The following SFMBT2 variants were observed in gnomAD, a reference collection of about 807,000 sequenced individuals.
SFMBT2 encodes the protein scm-like with four MBT domains protein 2.
In SFMBT2, 38 loss-of-function variants were observed where a neutral mutation model predicts 110.1. The ratio of observed to expected loss-of-function variants is 0.35; its 90% CI spans 0.27 to 0.45. SFMBT2 has a LOEUF of 0.45. Ranked by LOEUF, SFMBT2 falls within the 20% of genes least tolerant of loss-of-function variation. The probability of loss-of-function intolerance (pLI) is 1.00; values close to 1 mark genes in which losing one functional copy is unlikely to be tolerated. For missense variants in SFMBT2, 1,011 were observed against 1,094.9 expected (o/e 0.92, Z 1.08); for synonymous variants, 425 against 425.4 (o/e 1.00, Z 0.01).
In SFMBT2 at chr10:7,220,366, ACT is replaced by A. The variant is rs761307534; in HGVS notation, c.1330+43_1330+44del. 9.5e-6 allele frequency: 15 copies of A among 1,585,952 alleles called. No homozygotes were observed. The African/African-American group carries it at 1.6e-4, about 17-fold the overall frequency. ...CCTCCACACGTTGCCATTTCGACAA[ACT>A]CTACATTCCCCCCAGCGACTGCTAC... On this transcript the variant is annotated intron_variant, in intron 11 of 20. Coordinates refer to ENST00000397167, the MANE Select transcript of SFMBT2 (RefSeq NM_001387889.1).
chr10:7,311,045 C>CAAAAAAAAAAAAAAAAAAAAA (rs201310544), intron 4 of SFMBT2, among the ~76,000 whole-genome samples: 4 of 96,936 alleles, frequency 4.1e-5, no homozygotes, highest in African/African-American at 7.9e-5. Flanking sequence ...AACTCCATCT[C>CAAAAAAAAAAAAAAAAAAAAA]AAAAAAAAAA....
chr10:7,349,631 G>A (rs943705769), intron 4 of SFMBT2, among the ~76,000 whole-genome samples: 3 of 151,236 alleles, frequency 2.0e-5, no homozygotes, highest in Non-Finnish European at 3.0e-5. Flanking sequence ...CTAATTTTTT[G>A]TATTTTTAAT....
At chr10:7,340,960 C>G (rs868087156) in intron 4 of SFMBT2, among the ~76,000 whole-genome samples, 2 of 152,146 alleles carry the variant, frequency 1.3e-5, no homozygotes, top group Admixed American at 6.5e-5. Context: ...AAACAAAGCC[C>G]ATGCAGATAA....
At chr10:7,206,952 G>A in intron 11 of SFMBT2, 5 of 985,320 alleles carry the variant, frequency 5.1e-6, no homozygotes, top group Non-Finnish European at 6.0e-6. Flanking sequence ...GTGGCCGGGT[G>A]TGGTGGCTCA....
At chr10:7,226,911 A>C (rs970055492) in intron 10 of SFMBT2, among the ~76,000 whole-genome samples, 2 of 152,174 alleles carry the variant, frequency 1.3e-5, no homozygotes, top group Non-Finnish European at 2.9e-5. Flanking sequence ...TGTAGGTACA[A>C]GGTACGCTCT....
chr10:7,385,498 C>T (rs1186947279), intron 1 of SFMBT2, among the ~76,000 whole-genome samples: 1 of 152,012 alleles, frequency 6.6e-6, no homozygotes, highest in African/African-American at 2.4e-5. Flanking sequence ...AAAGGTAAAC[C>T]AGGGAAGAAA....
At chr10:7,302,745 CA>C (rs1842587692) in intron 4 of SFMBT2, among the ~76,000 whole-genome samples, 1 of 152,170 alleles carries the variant, frequency 6.6e-6, no homozygotes. Flanking sequence ...TTTCCCTCCT[CA>C]GTTTAGGTGG....
intron 7 of SFMBT2, among the ~76,000 whole-genome samples, chr10:7,255,615 G>A (rs1182511901): frequency 6.6e-6 from 1 of 152,196 alleles, no homozygotes. Context: ...ACAGGCTACT[G>A]TGGCAATGTC....
At chr10:7,238,707 C>T (rs1840339034) in intron 9 of SFMBT2, among the ~76,000 whole-genome samples, 1 of 152,180 alleles carries the variant, frequency 6.6e-6, no homozygotes, top group African/African-American at 2.4e-5. Flanking sequence ...TTTGCTCACA[C>T]CTTTTACAGC....
intron 8 of SFMBT2, chr10:7,246,055 G>T: frequency 1.9e-6 from 1 of 515,936 alleles, no homozygotes; most frequent in Non-Finnish European, 2.5e-6. Context: ...GATGAGTCTT[G>T]AACCTGGAGA....
chr10:7,227,710 G>A (rs995523909), intron 10 of SFMBT2, 145 bp downstream of exon 10: 1 of 674,636 alleles, frequency 1.5e-6, no homozygotes, highest in Non-Finnish European at 2.5e-6. Context: ...TGAAAGCAGA[G>A]CTTTCCAAAA....
intron 4 of SFMBT2, chr10:7,348,461 T>C (rs1458881407): frequency 1.0e-5 from 7 of 685,552 alleles, no homozygotes; most frequent in African/African-American, 7.4e-5. Context: ...AAAATTGACA[T>C]TGTTTAATCA....
intron 4 of SFMBT2, among the ~76,000 whole-genome samples, chr10:7,362,115 G>A (rs1324925322): frequency 2.0e-5 from 3 of 152,128 alleles, no homozygotes; most frequent in Non-Finnish European, 4.4e-5. Context: ...CCACTAATAA[G>A]AGCCATAATC....
chr10:7,287,512 C>T (rs924225129), intron 4 of SFMBT2: 2 of 217,436 alleles, frequency 9.2e-6, no homozygotes, highest in Non-Finnish European at 1.6e-5. Context: ...CCCCACTGGG[C>T]TACACCTGCA....
chr10:7,403,183 CAA>C (rs1430598564), intron 1 of SFMBT2, among the ~76,000 whole-genome samples: 9 of 152,210 alleles, frequency 5.9e-5, no homozygotes, highest in Non-Finnish European at 1.2e-4. Context: ...GAACGAAAAA[CAA>C]AAAGAGAACA....
chr10:7,187,338 C>T (rs1838448480), intron 16 of SFMBT2, among the ~76,000 whole-genome samples: 1 of 152,106 alleles, frequency 6.6e-6, no homozygotes, highest in African/African-American at 2.4e-5. Flanking sequence ...AGAAAATGTG[C>T]CACTACTGCT....
chr10:7,282,271 G>A (rs558151026), intron 6 of SFMBT2, among the ~76,000 whole-genome samples: 6 of 152,316 alleles, frequency 3.9e-5, no homozygotes, highest in African/African-American at 1.4e-4. Flanking sequence ...CTTCCACGGA[G>A]GCATGTTCCA....
At chr10:7,210,920 G>T (rs925589528) in intron 11 of SFMBT2, among the ~76,000 whole-genome samples, 6 of 152,174 alleles carry the variant, frequency 3.9e-5, no homozygotes, top group Admixed American at 2.6e-4. Context: ...ACGAGTATGG[G>T]GGGGGTGTGG....
chr10:7,251,102 G>T (rs1468354581), intron 7 of SFMBT2, among the ~76,000 whole-genome samples: 1 of 151,608 alleles, frequency 6.6e-6, no homozygotes, highest in African/African-American at 2.4e-5. Context: ...CAAATTATAT[G>T]AATGTATTAA....
Sources: allele counts gnomAD v4.1 joint callset (sites outside exome capture counted in the v4.1 genomes callset), GRCh38; gene constraint gnomAD v4.1.1; transcripts MANE v1.5; gene names NCBI Gene and HGNC (gene_info 2026-07-23, HGNC 2026-07-21).